CA8: variants seen among roughly 807,000 people sequenced by gnomAD.
CA8 encodes carbonic anhydrase-related protein.
In CA8, 22 loss-of-function variants were observed where a neutral mutation model predicts 41.4. That is an observed-to-expected ratio of 0.53 (90% CI 0.38 to 0.76). The LOEUF is 0.76. Ranked by LOEUF, CA8 falls within the 30% of genes least tolerant of loss-of-function variation. The pLI is 0.00. For missense variants in CA8, 270 were observed against 352.8 expected (o/e 0.77, Z 1.88); for synonymous variants, 121 against 130.6 (o/e 0.93, Z 0.50).
At chr8:60,248,444 G>A (rs1458195440) in intron 3 of CA8, among the ~76,000 whole-genome samples, 1 of 152,114 alleles carries the variant, frequency 6.6e-6, no homozygotes, top group African/African-American at 2.4e-5. Flanking sequence ...TGCAAGGAAG[G>A]GGTCCAGTTT....
intron 7 of CA8, among the ~76,000 whole-genome samples, chr8:60,217,905 G>A (rs1477948351): frequency 6.6e-6 from 1 of 152,102 alleles, no homozygotes; most frequent in Non-Finnish European, 1.5e-5. Context: ...CAGCTACAGA[G>A]CATGTTTCTT....
intron 8 of CA8, among the ~76,000 whole-genome samples, chr8:60,203,963 G>C (rs1304916617): frequency 7.2e-5 from 11 of 151,946 alleles, no homozygotes; most frequent in Admixed American, 7.2e-4. Context: ...GTGCTCGAAG[G>C]GCCTTTGTGA....
intron 2 of CA8, among the ~76,000 whole-genome samples, chr8:60,275,832 C>A (rs1305758778): frequency 6.6e-6 from 1 of 151,840 alleles, no homozygotes; most frequent in Admixed American, 6.6e-5. Flanking sequence ...GTAAAAGGTT[C>A]CAGAAAGGAA....
At chr8:60,252,267 G>A (rs1208242652) in intron 3 of CA8, among the ~76,000 whole-genome samples, 1 of 152,182 alleles carries the variant, frequency 6.6e-6, no homozygotes, top group Admixed American at 6.5e-5. Context: ...ATTCCAAGGA[G>A]TGTAGATATC....
rs2130366947 is a variant in CA8 at position 60,189,636 on chromosome 8, T to C, written c.*385A>G. The C allele has an allele frequency of 6.6e-6, 1 of 152,488 alleles. No homozygotes were observed. Among genetic ancestry groups the C allele is most frequent in the Admixed American group, 6.6e-5 (1 of 15,262 alleles). 9.4% of individuals were successfully genotyped at this position (152,488 alleles called of 1,614,324 possible). A position where few individuals can be genotyped will look rare whatever the true frequency, so the allele number is the denominator to read the frequency against. ...CTGTTGGAGACAGGAAATGAAGAAC[T>C]ACTAACACCGGGAATGTATTTTTCC... On this transcript the variant is annotated 3_prime_UTR_variant, in exon 9 of 9. Transcript: ENST00000317995.
chr8:60,264,452 G>A (rs919302982), intron 3 of CA8, among the ~76,000 whole-genome samples: 1 of 152,214 alleles, frequency 6.6e-6, no homozygotes, highest in Non-Finnish European at 1.5e-5. Flanking sequence ...GGGGTTAACT[G>A]TCTTGGATTA....
chr8:60,274,494 A>T (rs1353817427), intron 2 of CA8, among the ~76,000 whole-genome samples: 2 of 152,242 alleles, frequency 1.3e-5, no homozygotes, highest in African/African-American at 4.8e-5. Context: ...CTATGGTTTG[A>T]ATGCCTGCAT....
intron 3 of CA8, among the ~76,000 whole-genome samples, chr8:60,250,114 GTTACCC>G (rs2056572293): frequency 6.6e-6 from 1 of 152,056 alleles, no homozygotes; most frequent in African/African-American, 2.4e-5. Flanking sequence ...AACAGCAACC[GTTACCC>G]CATGACATTG....
At chr8:60,249,622 G>A (rs753148643) in intron 3 of CA8, among the ~76,000 whole-genome samples, 1 of 152,010 alleles carries the variant, frequency 6.6e-6, no homozygotes, top group Admixed American at 6.6e-5. Context: ...TTTTTGCTCT[G>A]ATCTAGAGCT....
chr8:60,255,333 G>A (rs1000064724), intron 3 of CA8, among the ~76,000 whole-genome samples: 3 of 151,372 alleles, frequency 2.0e-5, no homozygotes, highest in Admixed American at 6.6e-5. Flanking sequence ...TATCGTTCTG[G>A]CCACAATAGA....
chr8:60,224,678 T>A, intron 5 of CA8, 93 bp from the exon 6 acceptor site: 1 of 814,840 alleles, frequency 1.2e-6, no homozygotes, highest in Middle Eastern at 3.4e-4. Flanking sequence ...TAGAATGAAG[T>A]CTTTTCTGAA....
intron 3 of CA8, among the ~76,000 whole-genome samples, chr8:60,244,847 A>G (rs1270818809): frequency 6.6e-6 from 1 of 152,194 alleles, no homozygotes; most frequent in Non-Finnish European, 1.5e-5. Context: ...TTGAATTGCA[A>G]TTATCTAAAG....
At chr8:60,249,165 G>C (rs1172122494) in intron 3 of CA8, among the ~76,000 whole-genome samples, 2 of 152,026 alleles carry the variant, frequency 1.3e-5, no homozygotes, top group African/African-American at 4.8e-5. Context: ...CCATTAATTT[G>C]TGAGGATCTG....
chr8:60,248,696 GC>G (rs1364662896), intron 3 of CA8, among the ~76,000 whole-genome samples: 3 of 152,098 alleles, frequency 2.0e-5, no homozygotes, highest in African/African-American at 7.2e-5. Flanking sequence ...GATGTCACCA[GC>G]TTTTTTCTTT....
chr8:60,232,340 T>C lies in CA8; in HGVS notation c.457A>G (p.Ile153Val). The C allele has an allele frequency of 6.2e-7, 1 of 1,614,128 alleles. No homozygotes were observed. Among genetic ancestry groups the C allele is most frequent in the Non-Finnish European group, 8.5e-7 (1 of 1,179,948 alleles). ...IHWNSTLFGSIDEAVGKPHGI... is the reference protein window; with the variant it reads ...IHWNSTLFGSVDEAVGKPHGI... ...TGCGGCTTCCCCACAGCCTCATCAA[T>C]GCTGCCAAACAGAGTGGAGTTCCAG... The change falls in exon 4 of 9, where the codon ATT (isoleucine) becomes GTT (valine). Residue 153 changes from isoleucine to valine, a missense_variant. Ile to Val is a conservative substitution (Grantham distance 29). This residue lies in a region of CA8 where 141 missense variants were observed against 191.6 expected (regional missense o/e 0.74). Coordinates refer to ENST00000317995, the MANE Select transcript of CA8 (RefSeq NM_004056.6).
chr8:60,222,963 T>C (rs1807303246), intron 6 of CA8, among the ~76,000 whole-genome samples: 2 of 152,216 alleles, frequency 1.3e-5, no homozygotes, highest in Admixed American at 6.5e-5. Flanking sequence ...TTCTCTATTA[T>C]TTACAGTGAT....
chr8:60,219,305 C>T (rs1807150495), intron 7 of CA8, among the ~76,000 whole-genome samples: 1 of 151,958 alleles, frequency 6.6e-6, no homozygotes, highest in Admixed American at 6.6e-5. Context: ...ATTACAGGCA[C>T]CTGCCACCAC....
rs528318434 is a variant in CA8 at position 60,281,106 on chromosome 8, G to C, written c.42C>G (p.Pro14=). The change falls in exon 1 of 9, where the codon CCC becomes CCG. Residue 14 remains proline (P), a synonymous_variant. Coordinates refer to ENST00000317995, the MANE Select transcript of CA8 (RefSeq NM_004056.6). ...LSFIEDTVAF[P]EKEEDEEEEE... ...CTTCCTCCTCATCCTCTTCCTTCTC[G>C]GGGAAGGCGACGGTATCTTCGATGA... 2 of 1,603,434 alleles carry C rather than the reference G, an allele frequency of 1.2e-6. No individual in the cohort carries two copies. Among genetic ancestry groups the C allele is most frequent in the Non-Finnish European group, 8.5e-7 (1 of 1,176,118 alleles).
At chr8:60,250,579 T>A (rs1213538741) in intron 3 of CA8, among the ~76,000 whole-genome samples, 1 of 152,200 alleles carries the variant, frequency 6.6e-6, no homozygotes, top group Admixed American at 6.5e-5. Context: ...GAATGTCAGA[T>A]CTGATTTTTA....
Sources: gnomAD v4.1 joint callset for allele counts (sites outside exome capture counted in the v4.1 genomes callset) on GRCh38, gnomAD v4.1.1 for gene constraint, gnomAD v4.1.1 regional missense constraint, MANE v1.5 for transcripts, NCBI Gene and HGNC (gene_info 2026-07-23, HGNC 2026-07-21) for gene names.